Variants in KCNH8 observed in about 807,000 individuals in gnomAD.
The protein encoded by KCNH8 is voltage-gated delayed rectifier potassium channel KCNH8.
KCNH8 carries 70 observed loss-of-function variants against 103.6 expected under a neutral mutation model. The ratio of observed to expected loss-of-function variants is 0.68; its 90% CI spans 0.56 to 0.82. KCNH8 has a LOEUF of 0.82. Ranked by LOEUF, KCNH8 falls within the 40% of genes least tolerant of loss-of-function variation. KCNH8 has a pLI of 0.00. For synonymous variants in KCNH8, 498 were observed against 489.4 expected, an observed-to-expected ratio of 1.02 and a Z score of -0.23; for missense variants, 1,217 against 1,329.9, an observed-to-expected ratio of 0.92 and a Z score of 1.32.
intron 2 of KCNH8, among the ~76,000 whole-genome samples, chr3:19,264,120 T>G (rs1485161711): frequency 1.3e-5 from 2 of 152,048 alleles, no homozygotes; most frequent in Non-Finnish European, 2.9e-5. Context: ...CCAATATATA[T>G]TTTCAGTCTT....
chr3:19,520,491 CTG>C (rs534082277), intron 15 of KCNH8, among the ~76,000 whole-genome samples: 80 of 152,042 alleles, frequency 5.3e-4, no homozygotes, highest in African/African-American at 1.9e-3. Flanking sequence ...GGACTTCAAA[CTG>C]TAAAATTATC....
At chr3:19,493,304 G>A (rs986321584) in intron 11 of KCNH8, among the ~76,000 whole-genome samples, 1 of 152,064 alleles carries the variant, frequency 6.6e-6, no homozygotes, top group Non-Finnish European at 1.5e-5. Flanking sequence ...TAGGCTTTGT[G>A]TCCCCACCCA....
chr3:19,338,168 T>C (rs1367907553), intron 3 of KCNH8, among the ~76,000 whole-genome samples: 2 of 152,070 alleles, frequency 1.3e-5, no homozygotes, highest in African/African-American at 4.8e-5. Context: ...AGGCGCTGGA[T>C]GAGCTGTCTG....
chr3:19,288,683 A>G (rs1378869473), intron 3 of KCNH8, among the ~76,000 whole-genome samples: 3 of 152,202 alleles, frequency 2.0e-5, no homozygotes, highest in Admixed American at 6.5e-5. Context: ...TAGTGCCGCA[A>G]TAAACATACG....
intron 3 of KCNH8, among the ~76,000 whole-genome samples, chr3:19,324,833 A>T (rs1271655993): frequency 2.6e-5 from 4 of 152,170 alleles, no homozygotes; most frequent in African/African-American, 7.2e-5. Flanking sequence ...AGAAAAAAAA[A>T]ATGTTTTAAA....
chr3:19,334,616 A>G (rs2065557211), intron 3 of KCNH8, among the ~76,000 whole-genome samples: 1 of 151,548 alleles, frequency 6.6e-6, no homozygotes, highest in African/African-American at 2.4e-5. Context: ...TCATTGGCAG[A>G]TATTTTCCCC....
rs139610233 is a variant in KCNH8, at chr3:19,396,391, C to A, written c.1177+1080C>A. 7.6e-4 allele frequency among the ~76,000 whole-genome samples: 115 copies of A among 152,074 alleles called. 1 individual carries two copies. Among genetic ancestry groups the A allele is most frequent in the African/African-American group, 2.7e-3 (112 of 41,520 alleles). On this transcript the variant is annotated intron_variant, in intron 7 of 15. Coordinates refer to ENST00000328405, the MANE Select transcript of KCNH8 (RefSeq NM_144633.3). The stretch of plus-strand genomic sequence containing the variant: ...CAGCACTGGAGGAAGAGCTGGAGAC[C>A]TTAGGAAAGCAGGTGGAAGGGAATA...
Position 19,265,384 on chromosome 3 carries a change from C to T in KCNH8, c.310+11497C>T, listed in dbSNP as rs149803741. ...GCACCAGCAGAGCGTTAAATGAAAG[C>T]ATGGGGCCCTTCTAAGCATGCAGTC... On this transcript the variant is annotated intron_variant, in intron 2 of 15. Transcript: ENST00000328405. 7.9e-5 allele frequency among the ~76,000 whole-genome samples: 12 copies of T among 152,234 alleles called. No homozygotes were observed. The East Asian group carries it at 1.9e-3, about 25-fold the overall frequency.
chr3:19,347,495 C>G (rs1269992402), intron 4 of KCNH8, among the ~76,000 whole-genome samples: 2 of 152,024 alleles, frequency 1.3e-5, no homozygotes, highest in African/African-American at 4.8e-5. Flanking sequence ...ATCTGGGTTA[C>G]TCACTTAGCT....
chr3:19,195,049 G>C (rs1308170724), intron 1 of KCNH8, among the ~76,000 whole-genome samples: 1 of 151,756 alleles, frequency 6.6e-6, no homozygotes, highest in Non-Finnish European at 1.5e-5. Context: ...TGATTAATAA[G>C]ACATGATATG....
At chr3:19,181,726 T>C (rs1014285230) in intron 1 of KCNH8, among the ~76,000 whole-genome samples, 3 of 152,202 alleles carry the variant, frequency 2.0e-5, no homozygotes, top group Non-Finnish European at 4.4e-5. Context: ...TTTGTCCTCA[T>C]TGTCCCCTGT....
At chr3:19,486,545 G>A (rs2068213924) in intron 11 of KCNH8, among the ~76,000 whole-genome samples, 1 of 152,166 alleles carries the variant, frequency 6.6e-6, no homozygotes, top group Admixed American at 6.5e-5. Flanking sequence ...CACTGGTCTT[G>A]GCCAGGGCCC....
intron 7 of KCNH8, among the ~76,000 whole-genome samples, chr3:19,432,373 G>T (rs565278060): frequency 6.6e-6 from 1 of 152,258 alleles, no homozygotes; most frequent in South Asian, 2.1e-4. Context: ...TTTGAGACGA[G>T]ACCTGTCACT....
intron 11 of KCNH8, among the ~76,000 whole-genome samples, chr3:19,486,494 C>T (rs192254108): frequency 5.0e-4 from 76 of 152,258 alleles, no homozygotes; most frequent in African/African-American, 1.6e-3. Flanking sequence ...ACATGGTGGC[C>T]GGCCTTTGGA....
chr3:19,511,986 C>T (rs372124534), intron 12 of KCNH8, among the ~76,000 whole-genome samples: 140 of 152,260 alleles, frequency 9.2e-4, no homozygotes, highest in African/African-American at 3.2e-3. Context: ...AGTCAATAAC[C>T]ATGACAGCCC....
At chr3:19,442,717 T>A (rs1279787714) in intron 8 of KCNH8, among the ~76,000 whole-genome samples, 1 of 152,198 alleles carries the variant, frequency 6.6e-6, no homozygotes, top group Non-Finnish European at 1.5e-5. Context: ...AATTTATTAG[T>A]TAAAGCTTTT....
chr3:19,269,828 G>T (rs1253378224), intron 2 of KCNH8, among the ~76,000 whole-genome samples: 1 of 152,132 alleles, frequency 6.6e-6, no homozygotes, highest in Admixed American at 6.6e-5. Context: ...TCAAGTGAAG[G>T]AGAGTTAATT....
chr3:19,419,310 C>T (rs2066914762), intron 7 of KCNH8, among the ~76,000 whole-genome samples: 1 of 150,974 alleles, frequency 6.6e-6, no homozygotes, highest in South Asian at 2.1e-4. Context: ...CGCCATTCTC[C>T]TGCCTCAGCC....
At chr3:19,490,077 C>G (rs2068286402) in intron 11 of KCNH8, among the ~76,000 whole-genome samples, 1 of 152,214 alleles carries the variant, frequency 6.6e-6, no homozygotes, top group African/African-American at 2.4e-5. Flanking sequence ...TCCACCAGGG[C>G]AAATGCCTAC....
Sources: allele counts gnomAD v4.1 joint callset (sites outside exome capture counted in the v4.1 genomes callset), GRCh38; gene constraint gnomAD v4.1.1; transcripts MANE v1.5; gene names NCBI Gene and HGNC (gene_info 2026-07-23, HGNC 2026-07-21).